MYRIP: variants seen among roughly 807,000 people sequenced by gnomAD.
MYRIP encodes myosin VIIA and Rab interacting protein, also known as rab effector MyRIP.
MYRIP carries 49 observed loss-of-function variants against 98.0 expected under a neutral mutation model. The ratio of observed to expected loss-of-function variants is 0.50; its 90% CI spans 0.40 to 0.63. The LOEUF (loss-of-function observed/expected upper bound fraction) is 0.63, where lower values mean the gene tolerates loss of function less well. Among genes scored for constraint, MYRIP ranks in the 30% least tolerant of loss-of-function variants. The probability of loss-of-function intolerance (pLI) is 0.00; values close to 1 mark genes in which losing one functional copy is unlikely to be tolerated. For missense variants in MYRIP, 1,004 were observed against 1,058.2 expected (o/e 0.95, Z 0.71); for synonymous variants, 404 against 409.5 (o/e 0.99, Z 0.16).
chr3:40,115,893 C>T (rs1949265523), intron 3 of MYRIP, among the ~76,000 whole-genome samples: 1 of 151,958 alleles, frequency 6.6e-6, no homozygotes, highest in African/African-American at 2.4e-5. Flanking sequence ...TAAGAGATCA[C>T]ATATAAAACA....
At chr3:40,228,906 C>T (rs949163006) in intron 11 of MYRIP, among the ~76,000 whole-genome samples, 46 of 152,184 alleles carry the variant, frequency 3.0e-4, no homozygotes, top group African/African-American at 1.1e-3. Flanking sequence ...TCTCTCTCCA[C>T]GAAGCCAGAC....
chr3:40,088,719 G>A (rs1948679853), intron 3 of MYRIP, among the ~76,000 whole-genome samples: 1 of 152,224 alleles, frequency 6.6e-6, no homozygotes, highest in Admixed American at 6.5e-5. Flanking sequence ...GCCTGTGGCT[G>A]GGAAGAAGTG....
chr3:40,111,436 G>C (rs912458086), intron 3 of MYRIP, among the ~76,000 whole-genome samples: 1 of 152,256 alleles, frequency 6.6e-6, no homozygotes, highest in Non-Finnish European at 1.5e-5. Context: ...CCTAGAAACT[G>C]TACAGACTAA....
intron 11 of MYRIP, among the ~76,000 whole-genome samples, chr3:40,217,887 A>G (rs1325449792): frequency 6.6e-6 from 1 of 152,178 alleles, no homozygotes; most frequent in Non-Finnish European, 1.5e-5. Flanking sequence ...CCAATATTAG[A>G]TAGCAGAAAA....
At chr3:40,177,801 G>A (rs181044945) in intron 8 of MYRIP, among the ~76,000 whole-genome samples, 1 of 152,220 alleles carries the variant, frequency 6.6e-6, no homozygotes, top group Admixed American at 6.5e-5. Context: ...GATGACACCA[G>A]GGACCAGACA....
chr3:40,072,606 A>G (rs897695203), intron 3 of MYRIP, among the ~76,000 whole-genome samples: 1 of 152,158 alleles, frequency 6.6e-6, no homozygotes, highest in Non-Finnish European at 1.5e-5. Context: ...AATATATTCA[A>G]ATTTCTTTTG....
chr3:40,039,474 G>A (rs529042951), intron 2 of MYRIP, among the ~76,000 whole-genome samples: 1 of 152,170 alleles, frequency 6.6e-6, no homozygotes, highest in African/African-American at 2.4e-5. Flanking sequence ...GGTAAGACAA[G>A]GCCTAGAAAG....
chr3:40,208,513 G>T (rs899965871), intron 10 of MYRIP, among the ~76,000 whole-genome samples: 2 of 152,158 alleles, frequency 1.3e-5, no homozygotes, highest in Non-Finnish European at 2.9e-5. Flanking sequence ...CTGGTAAAGG[G>T]TTTACTCACA....
At chr3:40,110,231 G>T (rs140058217) in intron 3 of MYRIP, among the ~76,000 whole-genome samples, 1 of 152,178 alleles carries the variant, frequency 6.6e-6, no homozygotes, top group Admixed American at 6.5e-5. Flanking sequence ...TTTATCTGTG[G>T]CTGTGTCCTT....
chr3:39,929,832 G>C (rs1385077744), intron 2 of MYRIP, among the ~76,000 whole-genome samples: 1 of 151,970 alleles, frequency 6.6e-6, no homozygotes, highest in Non-Finnish European at 1.5e-5. Flanking sequence ...ATCATGCAAT[G>C]TGTTGCCTTT....
In MYRIP at chr3:40,084,679, A is replaced by AC. The variant is rs1402212049; in HGVS notation, c.332+40408_332+40409insC. The stretch of plus-strand genomic sequence containing the variant: ...ATCTATGTATTACATATCGATAGAT[A>AC]ATATCTATGTATTACATATCGATAG... On this transcript the variant is annotated intron_variant, in intron 3 of 16. Transcript: ENST00000302541. Among the ~76,000 whole-genome samples, 26 of 145,114 alleles carry AC rather than the reference A, an allele frequency of 1.8e-4. 6 individuals are homozygous for AC. Among genetic ancestry groups the AC allele is most frequent in the African/African-American group, 4.9e-4 (19 of 39,144 alleles).
chr3:40,047,316 G>A (rs952611611), intron 3 of MYRIP, among the ~76,000 whole-genome samples: 30 of 152,178 alleles, frequency 2.0e-4, no homozygotes, highest in African/African-American at 5.8e-4. Flanking sequence ...CATCATGTTC[G>A]TGTTAATATT....
intron 3 of MYRIP, among the ~76,000 whole-genome samples, chr3:40,120,372 A>G (rs1360993392): frequency 6.6e-6 from 1 of 152,202 alleles, no homozygotes; most frequent in Non-Finnish European, 1.5e-5. Context: ...ACTTAACATT[A>G]CCATTAGTCA....
chr3:39,961,541 A>T (rs1001482010), intron 2 of MYRIP, among the ~76,000 whole-genome samples: 1 of 152,072 alleles, frequency 6.6e-6, no homozygotes, highest in Non-Finnish European at 1.5e-5. Context: ...GGAAAGGAAC[A>T]TGTTGAGTCT....
intron 2 of MYRIP, among the ~76,000 whole-genome samples, chr3:39,902,316 G>C (rs1360903775): frequency 6.6e-6 from 1 of 152,236 alleles, no homozygotes; most frequent in Non-Finnish European, 1.5e-5. Flanking sequence ...AAGGTCACCA[G>C]AACAATAGGA....
chr3:39,834,331 CCAAT>C (rs1302330842), intron 1 of MYRIP, among the ~76,000 whole-genome samples: 2 of 152,256 alleles, frequency 1.3e-5, no homozygotes, highest in African/African-American at 2.4e-5. Context: ...TATTCTCTGA[CCAAT>C]CAAGTAAAGT....
chr3:39,887,439 C>T (rs1054034724), intron 1 of MYRIP, among the ~76,000 whole-genome samples: 5 of 152,098 alleles, frequency 3.3e-5, no homozygotes, highest in Non-Finnish European at 5.9e-5. Context: ...TGATAAACTG[C>T]TAGCAAGACT....
chr3:39,971,116 A>G (rs910269962), intron 2 of MYRIP, among the ~76,000 whole-genome samples: 1 of 152,126 alleles, frequency 6.6e-6, no homozygotes, highest in Non-Finnish European at 1.5e-5. Flanking sequence ...CTCCAGCGGC[A>G]GCAACTTGTG....
At chr3:39,927,306 T>C (rs1423171146) in intron 2 of MYRIP, among the ~76,000 whole-genome samples, 1 of 152,072 alleles carries the variant, frequency 6.6e-6, no homozygotes, top group Admixed American at 6.6e-5. Flanking sequence ...CCTATGTGGA[T>C]ACCTTTTATT....
Sources: allele counts gnomAD v4.1 joint callset (sites outside exome capture counted in the v4.1 genomes callset), GRCh38; gene constraint gnomAD v4.1.1; transcripts MANE v1.5; gene names NCBI Gene and HGNC (gene_info 2026-07-23, HGNC 2026-07-21).